The following PTPRN2 variants were observed in gnomAD, a reference collection of about 807,000 sequenced individuals.
The protein encoded by PTPRN2 is receptor-type tyrosine-protein phosphatase N2.
Under a neutral mutation model 118.8 loss-of-function variants are expected in PTPRN2, and 74 were observed. That is an observed-to-expected ratio of 0.62 (90% confidence interval 0.52 to 0.76). PTPRN2 has a LOEUF of 0.76. Among genes scored for constraint, PTPRN2 ranks in the 30% least tolerant of loss-of-function variants. PTPRN2 has a pLI of 0.00. For synonymous variants in PTPRN2, 641 were observed against 608.0 expected (o/e 1.05, Z -0.80); for missense variants, 1,481 against 1,394.4 (o/e 1.06, Z -0.99).
At chr7:158,478,158 C>T (rs778468371) in intron 2 of PTPRN2, among the ~76,000 whole-genome samples, 7 of 152,218 alleles carry the variant, frequency 4.6e-5, no homozygotes, top group East Asian at 1.9e-4. Context: ...TCACACAGCA[C>T]GGGAGCCGCG....
chr7:157,793,994 C>T (rs1039479784), intron 12 of PTPRN2, among the ~76,000 whole-genome samples: 35 of 152,190 alleles, frequency 2.3e-4, no homozygotes, highest in Non-Finnish European at 3.1e-4. Flanking sequence ...AGCCCCTTCC[C>T]GGGTCCCCAC....
At chr7:157,693,647 A>C (rs1190683299) in intron 12 of PTPRN2, among the ~76,000 whole-genome samples, 1 of 151,976 alleles carries the variant, frequency 6.6e-6, no homozygotes, top group African/African-American at 2.4e-5. Context: ...TGGGCCGGGG[A>C]GCAGCTGGGG....
At chr7:157,952,906 C>T (rs1045050660) in intron 11 of PTPRN2, among the ~76,000 whole-genome samples, 24 of 152,128 alleles carry the variant, frequency 1.6e-4, no homozygotes, top group African/African-American at 4.8e-4. Context: ...CTCTCCAGGA[C>T]GTGAAGATGT....
At chr7:158,342,638 G>A (rs1807123288) in intron 2 of PTPRN2, among the ~76,000 whole-genome samples, 1 of 152,162 alleles carries the variant, frequency 6.6e-6, no homozygotes, top group African/African-American at 2.4e-5. Context: ...CACTCACACA[G>A]TCAACTCAGT....
At chr7:158,161,876 T>C (rs907894027) in intron 6 of PTPRN2, among the ~76,000 whole-genome samples, 1 of 152,072 alleles carries the variant, frequency 6.6e-6, no homozygotes. Context: ...TCAAGAACTT[T>C]ACAAACTCAA....
chr7:158,052,057 C>T (rs1207150303), intron 11 of PTPRN2, among the ~76,000 whole-genome samples: 1 of 152,168 alleles, frequency 6.6e-6, no homozygotes, highest in Admixed American at 6.5e-5. Flanking sequence ...CTGCCACATC[C>T]AATTAGCTCA....
chr7:158,571,699 G>T (rs1828055243), intron 1 of PTPRN2, among the ~76,000 whole-genome samples: 2 of 151,116 alleles, frequency 1.3e-5, no homozygotes, highest in South Asian at 4.2e-4. Flanking sequence ...ATACTTCTGG[G>T]GTCTTGCGTT....
chr7:157,706,629 C>T (rs913443647), intron 12 of PTPRN2, among the ~76,000 whole-genome samples: 5 of 150,698 alleles, frequency 3.3e-5, no homozygotes, highest in East Asian at 2.0e-4. Flanking sequence ...TCCAGATCAA[C>T]GTGACCACAT....
intron 12 of PTPRN2, among the ~76,000 whole-genome samples, chr7:157,798,884 C>T (rs373310085): frequency 7.9e-5 from 12 of 152,272 alleles, no homozygotes; most frequent in South Asian, 6.2e-4. Context: ...CACATCCCAT[C>T]GGCTCCACTC....
At chr7:158,286,812 C>T (rs1478019949) in intron 3 of PTPRN2, among the ~76,000 whole-genome samples, 14 of 152,134 alleles carry the variant, frequency 9.2e-5, no homozygotes, top group Admixed American at 9.2e-4. Context: ...CTGTAATTTT[C>T]TTTTCTTATA....
intron 12 of PTPRN2, among the ~76,000 whole-genome samples, chr7:157,713,136 C>T (rs1469126624): frequency 2.0e-5 from 3 of 152,192 alleles, no homozygotes; most frequent in South Asian, 4.1e-4. Context: ...CCCCTGAGGT[C>T]GTTTCCATCT....
intron 12 of PTPRN2, among the ~76,000 whole-genome samples, chr7:157,802,986 A>G (rs1475614946): frequency 2.6e-5 from 4 of 152,110 alleles, no homozygotes; most frequent in Non-Finnish European, 4.4e-5. Context: ...CTTTTTGGAG[A>G]TGGAGTCTTG....
At chr7:157,776,486 C>T (rs1803273005) in intron 12 of PTPRN2, among the ~76,000 whole-genome samples, 9 of 139,718 alleles carry the variant, frequency 6.4e-5, no homozygotes, top group Non-Finnish European at 9.3e-5. Flanking sequence ...TCTCCTCCTC[C>T]CTCTCCTTCT....
At chr7:157,878,780 A>G (rs1242753033) in intron 12 of PTPRN2, among the ~76,000 whole-genome samples, 1 of 96,534 alleles carries the variant, frequency 1.0e-5, no homozygotes, top group Non-Finnish European at 2.0e-5. Flanking sequence ...ACACTTACTC[A>G]CCGAGGAGCT....
chr7:157,722,997 G>C (rs973751461), intron 12 of PTPRN2, among the ~76,000 whole-genome samples: 2 of 152,244 alleles, frequency 1.3e-5, no homozygotes, highest in African/African-American at 4.8e-5. Flanking sequence ...CAACTGCAGA[G>C]TTTCGTTACC....
intron 12 of PTPRN2, among the ~76,000 whole-genome samples, chr7:157,748,085 C>G (rs1245640996): frequency 2.3e-5 from 3 of 129,736 alleles, no homozygotes; most frequent in Admixed American, 1.6e-4. Context: ...CAGCTGTGGG[C>G]TGTTGAGGTG....
At chr7:158,548,855 T>C (rs923296756) in intron 1 of PTPRN2, among the ~76,000 whole-genome samples, 2 of 152,092 alleles carry the variant, frequency 1.3e-5, no homozygotes, top group Non-Finnish European at 2.9e-5. Context: ...ATGTGTTGAG[T>C]GGGCACAACT....
At chr7:157,766,726 TG>T (rs1262136330) in intron 12 of PTPRN2, among the ~76,000 whole-genome samples, 1 of 152,242 alleles carries the variant, frequency 6.6e-6, no homozygotes, top group East Asian at 1.9e-4. Flanking sequence ...CCATAGCATT[TG>T]GCTGAGACAC....
chr7:157,574,468 G>A (rs771428034), intron 19 of PTPRN2: 6 of 515,640 alleles, frequency 1.2e-5, no homozygotes, highest in Non-Finnish European at 2.0e-5. Context: ...CGTGAGCAGC[G>A]TTAGTGAGCA....
Sources: allele counts gnomAD v4.1 joint callset (sites outside exome capture counted in the v4.1 genomes callset), GRCh38; gene constraint gnomAD v4.1.1; transcripts MANE v1.5; gene names NCBI Gene and HGNC (gene_info 2026-07-23, HGNC 2026-07-21).